Variants in NIPA1 observed in about 807,000 individuals in gnomAD.
NIPA1 encodes the protein magnesium transporter NIPA1.
A neutral mutation model predicts 23.9 loss-of-function variants in NIPA1; 13 were observed. The ratio of observed to expected loss-of-function variants is 0.54; its 90% CI spans 0.35 to 0.87. The LOEUF is 0.87. Among genes scored for constraint, NIPA1 ranks in the 40% least tolerant of loss-of-function variants. The pLI is 0.01. For synonymous variants in NIPA1, 234 were observed against 202.9 expected (o/e 1.15, Z -1.30); for missense variants, 362 against 429.7 (o/e 0.84, Z 1.39).
intron 1 of NIPA1, among the ~76,000 whole-genome samples, chr15:22,799,014 G>A (rs2140854983): frequency 6.6e-6 from 1 of 152,140 alleles, no homozygotes; most frequent in East Asian, 1.9e-4. Flanking sequence ...TGGAAAACAG[G>A]ATGGAGATTT....
At chr15:22,810,826 T>C in intron 2 of NIPA1, 30 bp downstream of exon 2, 4 of 1,564,624 alleles carry the variant, frequency 2.6e-6, no homozygotes, top group Non-Finnish European at 3.5e-6. Flanking sequence ...AAGTCTGGTC[T>C]TTTCCTTTCT....
intron 1 of NIPA1, among the ~76,000 whole-genome samples, chr15:22,787,280 C>T (rs908198989): frequency 2.6e-4 from 39 of 152,272 alleles, no homozygotes; most frequent in African/African-American, 4.6e-4. Flanking sequence ...GGAAGCGCCG[C>T]TTCAGCCGAT....
chr15:22,798,238 C>CTTT (rs10582336), intron 1 of NIPA1, among the ~76,000 whole-genome samples: 8 of 124,886 alleles, frequency 6.4e-5, no homozygotes, highest in Non-Finnish European at 1.1e-4. Flanking sequence ...TGCTAAAAAT[C>CTTT]TTTTTTTTTT....
intron 1 of NIPA1, among the ~76,000 whole-genome samples, chr15:22,797,745 C>T (rs1434064704): frequency 6.6e-6 from 1 of 152,078 alleles, no homozygotes; most frequent in Admixed American, 6.6e-5. Flanking sequence ...TCACGTGATC[C>T]GCCCACCTCG....
At chr15:22,822,908 GTTTTTTTTTTTTTT>G (rs59308538) in intron 4 of NIPA1, among the ~76,000 whole-genome samples, 12 of 91,470 alleles carry the variant, frequency 1.3e-4, no homozygotes, top group African/African-American at 3.5e-4. Context: ...GCTGTAAATG[GTTTTTTTTTTTTTT>G]TTTTTTTTTT....
intron 3 of NIPA1, among the ~76,000 whole-genome samples, chr15:22,818,074 C>A (rs915504417): frequency 6.6e-6 from 1 of 152,068 alleles, no homozygotes; most frequent in Non-Finnish European, 1.5e-5. Flanking sequence ...AGGATGCCAT[C>A]AATGAATTGA....
At chr15:22,799,971 AG>A (rs142105771) in intron 1 of NIPA1, among the ~76,000 whole-genome samples, 13 of 113,330 alleles carry the variant, frequency 1.1e-4, no homozygotes, top group South Asian at 3.5e-4. Flanking sequence ...AAAAAAAAAA[AG>A]GGAAAGAAAA....
chr15:22,790,422 CTT>C (rs201663769), intron 1 of NIPA1, among the ~76,000 whole-genome samples: 68 of 133,276 alleles, frequency 5.1e-4, no homozygotes, highest in Middle Eastern at 3.8e-3. Context: ...TCCCAAAGTG[CTT>C]TTTTTTTTTT....
chr15:22,787,610 G>T (rs1894737821), intron 1 of NIPA1, among the ~76,000 whole-genome samples: 2 of 152,320 alleles, frequency 1.3e-5, no homozygotes, highest in South Asian at 4.1e-4. Flanking sequence ...TGTGCTGGGA[G>T]GCCCCGGACG....
intron 1 of NIPA1, among the ~76,000 whole-genome samples, chr15:22,801,650 A>G (rs577703499): frequency 2.0e-5 from 3 of 151,346 alleles, no homozygotes; most frequent in East Asian, 2.0e-4. Context: ...CCGAGTAGCT[A>G]GGACTACAGG....
rs187229427 is a variant in NIPA1, at chr15:22,799,558, A to G, written c.179-11191A>G. 5.6e-3 allele frequency among the ~76,000 whole-genome samples: 847 copies of G among 152,098 alleles called. 10 individuals are homozygous for G. Among genetic ancestry groups the G allele is most frequent in the African/African-American group, 0.019 (797 of 41,488 alleles). ...AGCACTTTGGGAGGCCAAGGTGGGC[A>G]GATCACGAGGTCAGGAGATCGAGAC... On this transcript the variant is annotated intron_variant, in intron 1 of 4. Coordinates refer to ENST00000337435, the MANE Select transcript of NIPA1 (RefSeq NM_144599.5).
intron 1 of NIPA1, among the ~76,000 whole-genome samples, chr15:22,806,169 C>A (rs542788464): frequency 1.3e-5 from 2 of 152,152 alleles, no homozygotes; most frequent in African/African-American, 4.8e-5. Context: ...GTGATCCGCC[C>A]GCCTCGGCCT....
At chr15:22,802,141 C>T (rs1895097124) in intron 1 of NIPA1, among the ~76,000 whole-genome samples, 1 of 151,988 alleles carries the variant, frequency 6.6e-6, no homozygotes, top group African/African-American at 2.4e-5. Flanking sequence ...CGCCCGTAAT[C>T]CCAGCACTTT....
chr15:22,794,581 A>G (rs927898467), intron 1 of NIPA1, among the ~76,000 whole-genome samples: 7 of 152,050 alleles, frequency 4.6e-5, no homozygotes, highest in Non-Finnish European at 1.0e-4. Context: ...TGCTGCCTGC[A>G]GTGCAGCCAT....
intron 1 of NIPA1, among the ~76,000 whole-genome samples, chr15:22,809,251 G>A (rs890156562): frequency 6.6e-6 from 1 of 152,048 alleles, no homozygotes; most frequent in Admixed American, 6.6e-5. Context: ...GCCGCACGTG[G>A]TGGTGCACGC....
At chr15:22,802,374 A>AGAGT (rs1185404829) in intron 1 of NIPA1, among the ~76,000 whole-genome samples, 1 of 141,914 alleles carries the variant, frequency 7.0e-6, no homozygotes, top group Admixed American at 7.3e-5. Flanking sequence ...CCTGGGCGAC[A>AGAGT]GAGTGAGACT....
In NIPA1 at chr15:22,786,762, G is replaced by A. The variant is rs772941328; in HGVS notation, c.106G>A (p.Val36Ile). The part of the protein sequence containing the change: ...AAVSLGLGVA[V>I]VSSLVNGSTF... ...CGTGTCGCTCGGCCTGGGCGTGGCC[G>A]TCGTGTCGAGCCTGGTGAACGGGTC... is the stretch of plus-strand genomic sequence containing the variant. Residue 36 changes from valine to isoleucine, a missense_variant, in exon 1 of 5, where the codon GTC becomes ATC. Val to Ile is a conservative substitution (Grantham distance 29, BLOSUM62 3). This residue lies in a region of NIPA1 where 85 missense variants were observed against 57.7 expected (regional missense o/e 1.47). Transcript: ENST00000337435. 3 of 1,317,702 alleles carry A rather than the reference G, an allele frequency of 2.3e-6. No individual in the cohort carries two copies. The highest frequency in any genetic ancestry group is 1.5e-5 in the South Asian group (1 of 67,294). 81.6% of individuals were successfully genotyped at this position (1,317,702 alleles called of 1,614,324 possible).
chr15:22,796,515 G>C (rs1317035598), intron 1 of NIPA1, among the ~76,000 whole-genome samples: 1 of 150,950 alleles, frequency 6.6e-6, no homozygotes, highest in Non-Finnish European at 1.5e-5. Flanking sequence ...TGTTGATCAG[G>C]CTGGTCTCCC....
chr15:22,816,863 T>G (rs955700103), intron 3 of NIPA1, among the ~76,000 whole-genome samples: 4 of 151,710 alleles, frequency 2.6e-5, no homozygotes, highest in Non-Finnish European at 5.9e-5. Context: ...TTTAGCAAGG[T>G]CGATGGACAC....
Sources: gnomAD v4.1 joint callset for allele counts (sites outside exome capture counted in the v4.1 genomes callset) on GRCh38, gnomAD v4.1.1 for gene constraint, gnomAD v4.1.1 regional missense constraint, MANE v1.5 for transcripts, NCBI Gene and HGNC (gene_info 2026-07-23, HGNC 2026-07-21) for gene names.